CNTN3: variants seen among roughly 807,000 people sequenced by gnomAD.
CNTN3 encodes the protein contactin-3.
Under a neutral mutation model 119.1 loss-of-function variants are expected in CNTN3, and 60 were observed. The ratio of observed to expected loss-of-function variants is 0.50; its 90% CI spans 0.41 to 0.62. CNTN3 has a LOEUF of 0.62. Ranked by LOEUF, CNTN3 falls within the 20% of genes least tolerant of loss-of-function variation. The pLI is 0.00. For missense variants in CNTN3, 1,101 were observed against 1,242.4 expected (o/e 0.89, Z 1.71); for synonymous variants, 450 against 438.7 (o/e 1.03, Z -0.32).
chr3:74,537,586 G>C (rs1227295504), intron 1 of CNTN3, among the ~76,000 whole-genome samples: 1 of 151,992 alleles, frequency 6.6e-6, no homozygotes, highest in Non-Finnish European at 1.5e-5. Context: ...TTTTTAACTT[G>C]GTTTTATTTT....
intron 1 of CNTN3, among the ~76,000 whole-genome samples, chr3:74,574,756 G>A (rs1325189249): frequency 6.6e-6 from 1 of 152,060 alleles, no homozygotes; most frequent in Non-Finnish European, 1.5e-5. Flanking sequence ...AAAATCAAAG[G>A]TTATAGCTTC....
chr3:74,288,085 TTTTCCA>T (rs1454353072), intron 19 of CNTN3, among the ~76,000 whole-genome samples: 5 of 152,158 alleles, frequency 3.3e-5, no homozygotes, highest in African/African-American at 1.2e-4. Flanking sequence ...TAAGTCTTTT[TTTTCCA>T]GTGACATTTT....
intron 1 of CNTN3, among the ~76,000 whole-genome samples, chr3:74,609,217 G>A (rs186863066): frequency 6.6e-6 from 1 of 152,322 alleles, no homozygotes; most frequent in Admixed American, 6.5e-5. Flanking sequence ...CATACAGACA[G>A]GCTGCATCAG....
chr3:74,456,325 C>T (rs1308184383), intron 4 of CNTN3, among the ~76,000 whole-genome samples: 1 of 152,016 alleles, frequency 6.6e-6, no homozygotes, highest in Non-Finnish European at 1.5e-5. Flanking sequence ...CTATCATCTT[C>T]CTAGGCCAGG....
At chr3:74,576,530 T>C (rs1026213005) in intron 1 of CNTN3, among the ~76,000 whole-genome samples, 3 of 152,144 alleles carry the variant, frequency 2.0e-5, no homozygotes, top group Admixed American at 6.5e-5. Context: ...TCAATAAGAC[T>C]TGAAATTACA....
At chr3:74,589,499 A>G (rs1704661300) in intron 1 of CNTN3, among the ~76,000 whole-genome samples, 1 of 147,330 alleles carries the variant, frequency 6.8e-6, no homozygotes, top group South Asian at 2.3e-4. Flanking sequence ...ACACTTTGAC[A>G]CTGTTGGTGG....
At chr3:74,309,514 A>G (rs1347908298) in intron 13 of CNTN3, among the ~76,000 whole-genome samples, 1 of 152,204 alleles carries the variant, frequency 6.6e-6, no homozygotes, top group Non-Finnish European at 1.5e-5. Context: ...ATTAGTTCTC[A>G]GTGCTGGCTG....
At chr3:74,589,091 C>A (rs1413625630) in intron 1 of CNTN3, among the ~76,000 whole-genome samples, 9 of 150,488 alleles carry the variant, frequency 6.0e-5, no homozygotes, top group Admixed American at 2.0e-4. Flanking sequence ...GCAACAAAAG[C>A]CAAAATTGAC....
chr3:74,273,635 G>A (rs949719536), intron 20 of CNTN3, among the ~76,000 whole-genome samples: 2 of 152,152 alleles, frequency 1.3e-5, no homozygotes, highest in Non-Finnish European at 2.9e-5. Context: ...AAATACAGGG[G>A]TAGAAGAAGC....
At chr3:74,472,341 T>C in intron 4 of CNTN3, among the ~76,000 whole-genome samples, 1 of 152,158 alleles carries the variant, frequency 6.6e-6, no homozygotes, top group East Asian at 1.9e-4. Flanking sequence ...TATATGCACC[T>C]TAAAAACCTA....
chr3:74,295,095 C>T lies in CNTN3; in HGVS notation c.2517+26G>A, dbSNP rs368512543. The T allele has an allele frequency of 1.6e-5, 23 of 1,442,478 alleles. No homozygotes were observed. In the African/African-American group the frequency reaches 2.9e-4, roughly 18 times the overall value. The allele number at this position is 1,442,478 out of a possible 1,614,324, so 89.4% of individuals were successfully genotyped here. On this transcript the variant is annotated intron_variant, in intron 19 of 22. Coordinates refer to ENST00000263665, the MANE Select transcript of CNTN3 (RefSeq NM_020872.3). ...ACAAAGTGGCACGGTAACACACATA[C>T]ACAATTTAATCGGAAAAGAAATTAC...
At chr3:74,277,004 C>A (rs1056254170) in intron 20 of CNTN3, among the ~76,000 whole-genome samples, 1 of 152,060 alleles carries the variant, frequency 6.6e-6, no homozygotes, top group African/African-American at 2.4e-5. Flanking sequence ...ACTAGGAATA[C>A]CTTTTCTCAC....
At chr3:74,404,111 T>C (rs947454377) in intron 5 of CNTN3, among the ~76,000 whole-genome samples, 3 of 152,022 alleles carry the variant, frequency 2.0e-5, no homozygotes, top group Non-Finnish European at 4.4e-5. Flanking sequence ...GATAGCACCC[T>C]CTCCCCCAAT....
At chr3:74,323,351 A>G (rs1223686907) in intron 13 of CNTN3, among the ~76,000 whole-genome samples, 3 of 152,202 alleles carry the variant, frequency 2.0e-5, no homozygotes, top group Non-Finnish European at 4.4e-5. Flanking sequence ...TCAAATGACC[A>G]CATATTATGT....
intron 5 of CNTN3, among the ~76,000 whole-genome samples, chr3:74,396,582 T>TAAAA (rs36117399): frequency 2.0e-5 from 3 of 151,012 alleles, no homozygotes; most frequent in Non-Finnish European, 3.0e-5. Flanking sequence ...CCATCTCTAC[T>TAAAA]AAAAATACAA....
intron 4 of CNTN3, among the ~76,000 whole-genome samples, chr3:74,438,597 T>C (rs1300560739): frequency 6.6e-6 from 1 of 152,208 alleles, no homozygotes; most frequent in African/African-American, 2.4e-5. Context: ...CCTCTTGCTT[T>C]TTATAGGCAT....
intron 1 of CNTN3, among the ~76,000 whole-genome samples, chr3:74,601,679 C>T (rs138467699): frequency 4.0e-4 from 61 of 152,186 alleles, no homozygotes; most frequent in African/African-American, 1.3e-3. Flanking sequence ...TGCTTTCGGT[C>T]ATGTGACACT....
chr3:74,290,179 G>A (rs1363807785), intron 19 of CNTN3, among the ~76,000 whole-genome samples: 1 of 152,164 alleles, frequency 6.6e-6, no homozygotes, highest in African/African-American at 2.4e-5. Flanking sequence ...ATCGTAGAGT[G>A]CAATTATGCG....
chr3:74,508,470 G>A (rs1452696404), intron 2 of CNTN3, among the ~76,000 whole-genome samples: 1 of 151,996 alleles, frequency 6.6e-6, no homozygotes, highest in East Asian at 1.9e-4. Context: ...GAGTTGCCTA[G>A]GCTTACATTT....
Sources: allele counts gnomAD v4.1 joint callset (sites outside exome capture counted in the v4.1 genomes callset), GRCh38; gene constraint gnomAD v4.1.1; transcripts MANE v1.5; gene names NCBI Gene and HGNC (gene_info 2026-07-23, HGNC 2026-07-21).